SLC7A6: variants seen among roughly 807,000 people sequenced by gnomAD.
SLC7A6 encodes the protein Y+L amino acid transporter 2.
Under a neutral mutation model 46.6 loss-of-function variants are expected in SLC7A6, and 29 were observed. That is an observed-to-expected ratio of 0.62 (90% CI 0.46 to 0.85). The LOEUF (loss-of-function observed/expected upper bound fraction) is 0.85. Ranked by LOEUF, SLC7A6 falls within the 40% of genes least tolerant of loss-of-function variation. The pLI is 0.00. For synonymous variants in SLC7A6, 276 were observed against 257.3 expected, an observed-to-expected ratio of 1.07 and a Z score of -0.70; for missense variants, 527 against 647.6, an observed-to-expected ratio of 0.81 and a Z score of 2.02.
chr16:68,294,991 A>G, intron 8 of SLC7A6, 190 bp downstream of exon 8: 2 of 521,912 alleles, frequency 3.8e-6, no homozygotes, highest in East Asian at 6.6e-5. Flanking sequence ...TCTGGAATTT[A>G]TATTATAGCA....
intron 7 of SLC7A6, 101 bp downstream of exon 7, chr16:68,291,762 G>GGTGTGGGT (rs2043055818): frequency 3.7e-6 from 2 of 545,992 alleles, no homozygotes; most frequent in Non-Finnish European, 3.2e-6. Flanking sequence ...GGGCATATAG[G>GGTGTGGGT]GTGTGTGTGT....
At chr16:68,267,307 G>A (rs960854678) in intron 2 of SLC7A6, among the ~76,000 whole-genome samples, 5 of 145,744 alleles carry the variant, frequency 3.4e-5, no homozygotes, top group African/African-American at 1.0e-4. Context: ...TCCACCTCCC[G>A]GGTTCAAGTG....
rs147952669 is a variant in SLC7A6 at position 68,294,611 on chromosome 16, C to T, written c.1023-94C>T. On this transcript the variant is annotated intron_variant, in intron 7 of 10. Transcript: ENST00000219343. ...CTGGGAGGCTGCATCCTGCTTTCCT[C>T]GGGGGCTCTGAGCTGAGTTTGTCCA... 2.4e-3 allele frequency: 2,162 copies of T among 888,020 alleles called. 29 individuals are homozygous for T. The African/African-American group carries it at 0.031, about 13-fold the overall frequency. The allele number at this position is 888,020 out of a possible 1,614,324, so 55.0% of individuals were successfully genotyped here. A position where few individuals can be genotyped will look rare whatever the true frequency, so the allele number is the denominator to read the frequency against.
At position 68,297,892 on chromosome 16, in the gene SLC7A6, C is replaced by T. The variant is rs1473433588; in HGVS notation, c.*564C>T. On this transcript the variant is annotated 3_prime_UTR_variant, in exon 11 of 11. Coordinates refer to ENST00000219343, the MANE Select transcript of SLC7A6 (RefSeq NM_003983.6). Reference sequence around the variant, plus strand: ...TGCGTGTCTCTTCATCTACAGGATGCAATAGGCTGATTGTATTTAAAAATC... The same window carrying T: ...TGCGTGTCTCTTCATCTACAGGATGTAATAGGCTGATTGTATTTAAAAATC... 6.5e-6 allele frequency: 1 copy of T among 152,672 alleles called. No individual in the cohort carries two copies. The allele number at this position is 152,672 out of a possible 1,614,324, so 9.5% of individuals were successfully genotyped here.
Position 68,300,800 on chromosome 16 carries a change from A to T in SLC7A6, c.*3472A>T, listed in dbSNP as rs1042688711. On this transcript the variant is annotated 3_prime_UTR_variant, in exon 11 of 11. Transcript: ENST00000219343. ...ACTTTCTGCCCTAATGGCCATTACTATCCAGTCTGTATTGCTACAAGGGAC... is the reference window on the plus strand; with the variant it reads ...ACTTTCTGCCCTAATGGCCATTACTTTCCAGTCTGTATTGCTACAAGGGAC... 17 of 985,562 alleles carry T rather than the reference A, an allele frequency of 1.7e-5. No individual in the cohort carries two copies. Among genetic ancestry groups the T allele is most frequent in the Non-Finnish European group, 2.0e-5 (17 of 830,158 alleles). The allele number at this position is 985,562 out of a possible 1,614,324, so 61.1% of individuals were successfully genotyped here. A position where few individuals can be genotyped will look rare whatever the true frequency, so the allele number is the denominator to read the frequency against.
intron 3 of SLC7A6, among the ~76,000 whole-genome samples, chr16:68,282,112 G>A (rs74409454): frequency 0.042 from 6,461 of 152,244 alleles, 163 homozygotes; most frequent in Middle Eastern, 0.14. Context: ...GAAAAGATAC[G>A]CTCCTCATTT....
At chr16:68,295,031 A>AT in intron 8 of SLC7A6, 1 of 397,918 alleles carries the variant, frequency 2.5e-6, no homozygotes, top group Non-Finnish European at 4.5e-6. Context: ...GATTCACTTA[A>AT]TTTTTTCTCG....
Position 68,298,206 on chromosome 16 carries a change from G to T in SLC7A6, c.*878G>T, listed in dbSNP as rs1277427087. 1 of 152,602 alleles carries T rather than the reference G, an allele frequency of 6.6e-6. No individual in the cohort carries two copies. The highest frequency in any genetic ancestry group is 1.9e-4 in the East Asian group (1 of 5,196). 9.5% of individuals were successfully genotyped at this position (152,602 alleles called of 1,614,324 possible). ...AAGGACAATCCTTTATTTTACTTGA[G>T]ACCTTACATCTTTGTTCTAGCTGAC... is the stretch of plus-strand genomic sequence containing the variant. On this transcript the variant is annotated 3_prime_UTR_variant, in exon 11 of 11. Coordinates refer to ENST00000219343, the MANE Select transcript of SLC7A6 (RefSeq NM_003983.6).
chr16:68,295,116 AAATT>A (rs1217551233), intron 8 of SLC7A6, among the ~76,000 whole-genome samples: 2 of 152,296 alleles, frequency 1.3e-5, no homozygotes, highest in Admixed American at 6.5e-5. Flanking sequence ...TTATCACAGA[AAATT>A]AATAGCTAAT....
At chr16:68,280,820 C>T (rs549748121) in intron 3 of SLC7A6, among the ~76,000 whole-genome samples, 4 of 152,134 alleles carry the variant, frequency 2.6e-5, no homozygotes, top group African/African-American at 7.2e-5. Context: ...CTGCAAGCTC[C>T]GCCTCCCAGG....
chr16:68,287,578 G>A (rs978899664), intron 3 of SLC7A6, 168 bp from the exon 4 acceptor site: 2 of 1,475,846 alleles, frequency 1.4e-6, no homozygotes, highest in Admixed American at 2.3e-5. Flanking sequence ...CTGTCAGCTG[G>A]GGCGGGTGCA....
intron 2 of SLC7A6, among the ~76,000 whole-genome samples, chr16:68,270,817 C>G (rs1034470133): frequency 3.3e-5 from 5 of 151,620 alleles, no homozygotes; most frequent in African/African-American, 9.7e-5. Flanking sequence ...TGCTATCCAT[C>G]CTGAGTGGAA....
In SLC7A6 at chr16:68,294,777, A is replaced by T; in HGVS notation, c.1095A>T (p.Thr365=). The change falls in exon 8 of 11, where the codon ACA becomes ACT. Residue 365 remains threonine (T), a synonymous_variant. Transcript: ENST00000219343. Reference sequence around the variant, plus strand: ...CCATGATCCACATTGAGCGTTTTACACCTATCCCTGCTTTACTGTTCAATG... The same window carrying T: ...CCATGATCCACATTGAGCGTTTTACTCCTATCCCTGCTTTACTGTTCAATG... ...LLSMIHIERF[T]PIPALLFNCT... 2 of 1,613,764 alleles carry T rather than the reference A, an allele frequency of 1.2e-6. No individual in the cohort carries two copies. The highest frequency in any genetic ancestry group is 1.7e-6 in the Non-Finnish European group (2 of 1,179,766).
chr16:68,287,975 C>A (rs2305810), intron 4 of SLC7A6, 104 bp downstream of exon 4: 214,486 of 1,483,836 alleles, frequency 0.14, 16,172 homozygotes, highest in South Asian at 0.21. Flanking sequence ...TATGTACATG[C>A]TAGCATGTGT....
chr16:68,297,117 T>TA (rs2043187621), intron 10 of SLC7A6, 117 bp from the exon 11 acceptor site: 1 of 910,130 alleles, frequency 1.1e-6, no homozygotes, highest in East Asian at 2.5e-5. Context: ...AAGCCTGATA[T>TA]AGGGTACTTA....
chr16:68,276,586 C>T (rs563197721), intron 3 of SLC7A6, among the ~76,000 whole-genome samples: 3 of 152,204 alleles, frequency 2.0e-5, no homozygotes, highest in Admixed American at 2.0e-4. Context: ...GAGGGGGAAA[C>T]GGATACCCTT....
At position 68,296,648 on chromosome 16, in the gene SLC7A6, G is replaced by A. The variant is rs1366074273; in HGVS notation, c.1291G>A (p.Val431Met). The change falls in exon 10 of 11, where the codon GTG becomes ATG. Residue 431 changes from valine (V) to methionine (M), a missense_variant. Physicochemically the swap from Val to Met is conservative, Grantham distance 21. Coordinates refer to ENST00000219343, the MANE Select transcript of SLC7A6 (RefSeq NM_003983.6). Reference sequence around the variant, plus strand: ...TCAGCTGAGCGTGTTTTTCCCCATCGTGTTCTGCATATGCTCCGTGTTTCT... The same window carrying A: ...TCAGCTGAGCGTGTTTTTCCCCATCATGTTCTGCATATGCTCCGTGTTTCT... ...PLKLSVFFPI[V>M]FCICSVFLVI... The A allele has an allele frequency of 3.1e-6, 5 of 1,613,940 alleles. No individual in the cohort carries two copies. Among genetic ancestry groups the A allele is most frequent in the African/African-American group, 2.7e-5 (2 of 74,884 alleles).
At position 68,275,239 on chromosome 16, in the gene SLC7A6, T is replaced by C; in HGVS notation, c.513T>C (p.Ala171=). ...PPYLACRLLA[A]ACICLLTFVN... ...ACCTGGCCTGCCGTCTCCTGGCTGCTGCTTGCATATGTAAGTGGGGGCTGA... is the reference window on the plus strand; with the variant it reads ...ACCTGGCCTGCCGTCTCCTGGCTGCCGCTTGCATATGTAAGTGGGGGCTGA... Residue 171 remains alanine, a synonymous_variant, in exon 3 of 11, where the codon GCT becomes GCC. Transcript: ENST00000219343. 6.2e-7 allele frequency: 1 copy of C among 1,604,588 alleles called. No homozygotes were observed. The highest frequency in any genetic ancestry group is 8.5e-7 in the Non-Finnish European group (1 of 1,174,566).
Position 68,301,337 on chromosome 16 carries a change from A to C in SLC7A6, c.*4009A>C. ...AACTCCTTCTGCACATCCAGAGGGT[A>C]CTTGCTCCACATCCGCTGTCTGCTG... is the stretch of plus-strand genomic sequence containing the variant. On this transcript the variant is annotated 3_prime_UTR_variant, in exon 11 of 11. Transcript: ENST00000219343. The C allele has an allele frequency of 6.2e-7, 1 of 1,614,122 alleles. No homozygotes were observed. Among genetic ancestry groups the C allele is most frequent in the Non-Finnish European group, 8.5e-7 (1 of 1,180,004 alleles).
Sources: allele counts gnomAD v4.1 joint callset (sites outside exome capture counted in the v4.1 genomes callset), GRCh38; gene constraint gnomAD v4.1.1; transcripts MANE v1.5; gene names NCBI Gene and HGNC (gene_info 2026-07-23, HGNC 2026-07-21).